Variants in IL1RL2 observed in about 807,000 individuals in gnomAD.
The protein encoded by IL1RL2 is interleukin 1 receptor like 2, also known as interleukin-1 receptor-like 2.
A neutral mutation model predicts 66.8 loss-of-function variants in IL1RL2; 68 were observed. The observed-to-expected ratio is 1.02, with a 90% CI of 0.84 to 1.25. IL1RL2 has a LOEUF of 1.25. IL1RL2 is among the 50% of genes most tolerant of loss of function. The probability of loss-of-function intolerance (pLI) is 0.00; values close to 1 mark genes in which losing one functional copy is unlikely to be tolerated. For missense variants in IL1RL2, 729 were observed against 709.3 expected, an observed-to-expected ratio of 1.03 and a Z score of -0.32; for synonymous variants, 305 against 264.6, an observed-to-expected ratio of 1.15 and a Z score of -1.48.
chr2:102,198,223 A>G (rs1268061989), intron 4 of IL1RL2, among the ~76,000 whole-genome samples: 2 of 152,244 alleles, frequency 1.3e-5, no homozygotes, highest in African/African-American at 4.8e-5. Flanking sequence ...ATAGGGAATC[A>G]GTCAGAAAGT....
Position 102,189,287 on chromosome 2 carries a change from AGGAG to A in IL1RL2, c.271_274del (p.Gly91SerfsTer6), listed in dbSNP as rs775574076. 17 of 1,610,656 alleles carry A rather than the reference AGGAG, an allele frequency of 1.1e-5. No homozygotes were observed. Among genetic ancestry groups the A allele is most frequent in the Non-Finnish European group, 1.4e-5 (16 of 1,177,534 alleles). The stretch of plus-strand genomic sequence containing the variant: ...TTCTCCCCATGGAATGGGGGGACTC[AGGAG>A]TCTACCAATGTGTTATAAAGTAAGT... On this transcript the variant is annotated frameshift_variant, in exon 3 of 12. Coordinates refer to ENST00000264257, the MANE Select transcript of IL1RL2 (RefSeq NM_003854.4). LOFTEE classifies it high-confidence loss of function.
rs374463750 is a variant in IL1RL2, at chr2:102,225,977, C to T, written c.1071C>T (p.Asn357=). ...AVAVSVVYIY[N]IFKIDIVLWY... Reference sequence around the variant, plus strand: ...CTGTGTCTGTTGTGTACATATACAACATTTTTAAGATCGACATTGTTCTTT... The same window carrying T: ...CTGTGTCTGTTGTGTACATATACAATATTTTTAAGATCGACATTGTTCTTT... Residue 357 remains asparagine (N), a synonymous_variant, in exon 9 of 12, where the codon AAC becomes AAT. Transcript: ENST00000264257. 19 of 1,609,200 alleles carry T rather than the reference C, an allele frequency of 1.2e-5. No individual in the cohort carries two copies. Among genetic ancestry groups the T allele is most frequent in the Non-Finnish European group, 1.4e-5 (16 of 1,177,610 alleles).
Position 102,190,302 on chromosome 2 carries a change from T to A in IL1RL2, c.293+992T>A, listed in dbSNP as rs186804265. On this transcript the variant is annotated intron_variant, in intron 3 of 11. Coordinates refer to ENST00000264257, the MANE Select transcript of IL1RL2 (RefSeq NM_003854.4). ...AATAAAACACATCTGTAGAACAAAT[T>A]TAGCCTGAGGGCCCAATTTCGTGAC... 2.1e-4 allele frequency among the ~76,000 whole-genome samples: 32 copies of A among 152,338 alleles called. 1 individual carries two copies. Among genetic ancestry groups the A allele is most frequent in the Admixed American group, 1.8e-3 (28 of 15,304 alleles).
rs139994446 is a variant in IL1RL2, at chr2:102,204,403, G to C, written c.649+2688G>C. Among the ~76,000 whole-genome samples the C allele has an allele frequency of 5.6e-3, 855 of 152,186 alleles. 6 individuals are homozygous for C. Among genetic ancestry groups the C allele is most frequent in the African/African-American group, 0.02 (830 of 41,548 alleles). Reference sequence around the variant, plus strand: ...TAAATGGATCTATTAGATCCATTTGGTCTATAGTGCAGATAAAGTCAGATG... The same window carrying C: ...TAAATGGATCTATTAGATCCATTTGCTCTATAGTGCAGATAAAGTCAGATG... On this transcript the variant is annotated intron_variant, in intron 5 of 11. Coordinates refer to ENST00000264257, the MANE Select transcript of IL1RL2 (RefSeq NM_003854.4).
At chr2:102,230,852 TG>T (rs1691063833) in intron 9 of IL1RL2, among the ~76,000 whole-genome samples, 1 of 152,252 alleles carries the variant, frequency 6.6e-6, no homozygotes, top group African/African-American at 2.4e-5. Flanking sequence ...ATTGATGGAC[TG>T]AGAAATGGTG....
rs758533657 is a variant in IL1RL2, at chr2:102,201,758, C to T, written c.649+43C>T. 15 of 1,583,458 alleles carry T rather than the reference C, an allele frequency of 9.5e-6. No individual in the cohort carries two copies. The South Asian group carries it at 1.5e-4, about 15-fold the overall frequency. On this transcript the variant is annotated intron_variant, in intron 5 of 11. Coordinates refer to ENST00000264257, the MANE Select transcript of IL1RL2 (RefSeq NM_003854.4). ...TGCCTGTCGCCTTGTATTCTCTTGG[C>T]TTTGTGTGAACTGGCTTCTGGCTTT...
chr2:102,241,754 C>T (rs1675236821), downstream of IL1RL2, among the ~76,000 whole-genome samples: 1 of 152,146 alleles, frequency 6.6e-6, no homozygotes, highest in African/African-American at 2.4e-5. Flanking sequence ...GATAACCCAC[C>T]CAGGGGTAAC....
chr2:102,219,082 A>T lies in IL1RL2; in HGVS notation c.854A>T (p.Glu285Val). 6.2e-7 allele frequency: 1 copy of T among 1,613,796 alleles called. No individual in the cohort carries two copies. The highest frequency in any genetic ancestry group is 8.5e-7 in the Non-Finnish European group (1 of 1,179,760). Residue 285 changes from glutamate to valine, a missense_variant and splice_region_variant, in exon 7 of 12, where the codon GAA becomes GTA. Glu to Val is a moderately radical substitution (Grantham distance 121). Transcript: ENST00000264257. Reference protein sequence around the residue: ...DESKRIREGVETHVSFREHNL... With the variant: ...DESKRIREGVVTHVSFREHNL... ...TCCAAACGAATCAGAGAAGGGGTGG[A>T]GTAGGTGTTTTGCTTTTTTGACTTC...
chr2:102,195,366 C>G (rs2104727411), intron 4 of IL1RL2, among the ~76,000 whole-genome samples: 1 of 152,098 alleles, frequency 6.6e-6, no homozygotes, highest in Non-Finnish European at 1.5e-5. Context: ...CTTGAAGTTT[C>G]ATTGTTTTTC....
intron 4 of IL1RL2, among the ~76,000 whole-genome samples, chr2:102,196,922 GA>G (rs1342602929): frequency 6.6e-6 from 1 of 152,222 alleles, no homozygotes; most frequent in Admixed American, 6.5e-5. Flanking sequence ...TCACATTTGA[GA>G]AAAGTCCTTC....
At chr2:102,192,266 A>G in intron 4 of IL1RL2, 146 bp downstream of exon 4, 2 of 518,128 alleles carry the variant, frequency 3.9e-6, no homozygotes, top group Non-Finnish European at 6.8e-6. Flanking sequence ...GTCATTGATA[A>G]CGTTACCTTC....
In IL1RL2 at chr2:102,202,260, C is replaced by A. The variant is rs1559536823; in HGVS notation, c.649+545C>A. Among the ~76,000 whole-genome samples the A allele has an allele frequency of 2.0e-5, 3 of 151,954 alleles. 1 individual carries two copies. The highest frequency in any genetic ancestry group is 4.2e-4 in the South Asian group (2 of 4,802). On this transcript the variant is annotated intron_variant, in intron 5 of 11. Coordinates refer to ENST00000264257, the MANE Select transcript of IL1RL2 (RefSeq NM_003854.4). ...AGTAGAATCTTAGGGGAAGAAGAAACCCTAAAAGTAAATTAGCTCAAGCCA... is the reference window on the plus strand; with the variant it reads ...AGTAGAATCTTAGGGGAAGAAGAAAACCTAAAAGTAAATTAGCTCAAGCCA...
Position 102,203,124 on chromosome 2 carries a change from A to G in IL1RL2, c.649+1409A>G, listed in dbSNP as rs1011287225. Among the ~76,000 whole-genome samples the G allele has an allele frequency of 5.3e-5, 8 of 152,304 alleles. No homozygotes were observed. The South Asian group carries it at 1.0e-3, about 20-fold the overall frequency. On this transcript the variant is annotated intron_variant, in intron 5 of 11. Transcript: ENST00000264257. ...TTTATCAAATGCTTTTTCCGCATCAATTGCAATGACCATATGGTTTTTAGC... is the reference window on the plus strand; with the variant it reads ...TTTATCAAATGCTTTTTCCGCATCAGTTGCAATGACCATATGGTTTTTAGC...
chr2:102,188,193 T>C (rs1369759469), intron 2 of IL1RL2, among the ~76,000 whole-genome samples: 3 of 152,150 alleles, frequency 2.0e-5, no homozygotes, highest in Non-Finnish European at 4.4e-5. Context: ...GTAACAATGC[T>C]CAAATGGAAT....
At chr2:102,222,435 T>C (rs1690222818) in intron 8 of IL1RL2, among the ~76,000 whole-genome samples, 1 of 152,156 alleles carries the variant, frequency 6.6e-6, no homozygotes, top group African/African-American at 2.4e-5. Flanking sequence ...TCATTAACAT[T>C]TCTATATAAT....
rs766326643 is a variant in IL1RL2 at position 102,234,983 on chromosome 2, T to A, written c.1384T>A (p.Leu462Met). 1.9e-6 allele frequency: 3 copies of A among 1,614,196 alleles called. No individual in the cohort carries two copies. The highest frequency in any genetic ancestry group is 2.5e-6 in the Non-Finnish European group (3 of 1,180,040). Reference sequence around the variant, plus strand: ...CCCCGAATCGCTGGGCTTTGGCCTGTTGAAGAACCTGTCAGAAGAACAAAT... The same window carrying A: ...CCCCGAATCGCTGGGCTTTGGCCTGATGAAGAACCTGTCAGAAGAACAAAT... ...VVPESLGFGL[L>M]KNLSEEQIAV... is the part of the protein sequence containing the mutation. Residue 462 changes from leucine to methionine, a missense_variant, in exon 11 of 12, where the codon TTG (leucine) becomes ATG (methionine). Transcript: ENST00000264257.
At position 102,201,636 on chromosome 2, in the gene IL1RL2, AG is replaced by A. The variant is rs754710750; in HGVS notation, c.573del (p.Asn192ThrfsTer8). On this transcript the variant is annotated frameshift_variant, in exon 5 of 12. Coordinates refer to ENST00000264257, the MANE Select transcript of IL1RL2 (RefSeq NM_003854.4). LOFTEE classifies it high-confidence loss of function. ...TGAGCAATGTCTCGGCAGAGGACAGAGGGAACTACGCGTGTCAAGCCATACT... is the reference window on the plus strand; with the variant it reads ...TGAGCAATGTCTCGGCAGAGGACAGAGGAACTACGCGTGTCAAGCCATACT... ...LVSNVSAEDR[G>X]NYACQAILTH... The A allele has an allele frequency of 6.2e-7, 1 of 1,614,138 alleles. No homozygotes were observed. Among genetic ancestry groups the A allele is most frequent in the Non-Finnish European group, 8.5e-7 (1 of 1,179,996 alleles).
chr2:102,223,132 C>T (rs1193971040), intron 8 of IL1RL2, among the ~76,000 whole-genome samples: 1 of 152,174 alleles, frequency 6.6e-6, no homozygotes, highest in Non-Finnish European at 1.5e-5. Flanking sequence ...TCCCTTAGTT[C>T]CTGGCAATGC....
chr2:102,218,422 A>G (rs1689804332), intron 6 of IL1RL2, among the ~76,000 whole-genome samples: 1 of 152,164 alleles, frequency 6.6e-6, no homozygotes, highest in Admixed American at 6.5e-5. Flanking sequence ...AGGGAAAGAG[A>G]GGGAAAGGGT....
Sources: allele counts gnomAD v4.1 joint callset (sites outside exome capture counted in the v4.1 genomes callset), GRCh38; gene constraint gnomAD v4.1.1; transcripts MANE v1.5; gene names NCBI Gene and HGNC (gene_info 2026-07-23, HGNC 2026-07-21).